The following LILRB1 variants were observed in gnomAD, a reference collection of about 807,000 sequenced individuals.
The protein encoded by LILRB1 is leukocyte immunoglobulin-like receptor subfamily B member 1.
In LILRB1, 59 loss-of-function variants were observed where a neutral mutation model predicts 74.6. The ratio of observed to expected loss-of-function variants is 0.79; its 90% confidence interval spans 0.64 to 0.98. The LOEUF is 0.98. Ranked by LOEUF, LILRB1 falls within the 50% of genes least tolerant of loss-of-function variation. The pLI is 0.00. For missense variants in LILRB1, 804 were observed against 822.6 expected (o/e 0.98, Z 0.28); for synonymous variants, 328 against 333.9 (o/e 0.98, Z 0.19).
At chr19:54,620,894 T>C (rs1790826413) in intron 1 of LILRB1, among the ~76,000 whole-genome samples, 1 of 152,100 alleles carries the variant, frequency 6.6e-6, no homozygotes, top group Non-Finnish European at 1.5e-5. Flanking sequence ...TTTTTTGAGA[T>C]GGAGTTTCAT....
At chr19:54,628,252 T>A (rs1242380488), upstream of LILRB1, among the ~76,000 whole-genome samples, 1 of 152,234 alleles carries the variant, frequency 6.6e-6, no homozygotes. Context: ...TGGACCAGTA[T>A]AAGCATGCCA....
chr19:54,618,435 C>T (rs1335041974), intron 1 of LILRB1, among the ~76,000 whole-genome samples: 2 of 152,190 alleles, frequency 1.3e-5, no homozygotes, highest in African/African-American at 4.8e-5. Flanking sequence ...GAATTGTTAG[C>T]GTTTTTGTTT....
chr19:54,632,432 G>A (rs199965716), intron 5 of LILRB1, 32 bp from the exon 6 acceptor site: 95 of 1,572,144 alleles, frequency 6.0e-5, no homozygotes, highest in Non-Finnish European at 7.7e-5. Context: ...CCTGAGGGTC[G>A]GCTCCTGGAA....
intron 1 of LILRB1, 56 bp downstream of exon 1, chr19:54,630,689 G>A (rs2063759617): frequency 2.5e-6 from 2 of 791,910 alleles, no homozygotes; most frequent in Admixed American, 2.0e-5. Context: ...GGGTGACCAT[G>A]TGGGAGGCTG....
At chr19:54,627,136 C>G (rs1000872533), upstream of LILRB1, among the ~76,000 whole-genome samples, 2 of 152,232 alleles carry the variant, frequency 1.3e-5, no homozygotes, top group African/African-American at 4.8e-5. Context: ...CATGGCTGCT[C>G]TGTGGGTTGG....
intron 6 of LILRB1, 58 bp from the exon 7 acceptor site, chr19:54,632,958 G>T: frequency 6.3e-7 from 1 of 1,579,710 alleles, no homozygotes; most frequent in Non-Finnish European, 8.6e-7. Flanking sequence ...GGAGACCTGG[G>T]GAGGTGTCAG....
At chr19:54,631,861 C>T (rs945963123) in intron 4 of LILRB1, 74 bp downstream of exon 4, 45 of 1,606,162 alleles carry the variant, frequency 2.8e-5, no homozygotes, top group South Asian at 1.1e-4. Context: ...GGGCTTCTCC[C>T]TCTCACAGCC....
chr19:54,636,284 G>A (rs552542286), intron 13 of LILRB1: 167 of 998,996 alleles, frequency 1.7e-4, no homozygotes, highest in African/African-American at 5.6e-4. Flanking sequence ...AGGAAGGCCC[G>A]TGAGGCTGCA....
Position 54,637,218 on chromosome 19 carries a change from G to T in LILRB1, c.*340G>T. 3.7e-6 allele frequency: 1 copy of T among 270,764 alleles called. No homozygotes were observed. Among genetic ancestry groups the T allele is most frequent in the Non-Finnish European group, 7.0e-6 (1 of 142,952 alleles). 16.8% of individuals were successfully genotyped at this position (270,764 alleles called of 1,614,324 possible). On this transcript the variant is annotated 3_prime_UTR_variant, in exon 15 of 15. Coordinates refer to ENST00000324602, the MANE Select transcript of LILRB1 (RefSeq NM_001081637.3). Reference sequence around the variant, plus strand: ...GAAAGAAAAAAAGTAGGAAATGAATGATCTTGGCTTTCCTATAAGAAATTT... The same window carrying T: ...GAAAGAAAAAAAGTAGGAAATGAATTATCTTGGCTTTCCTATAAGAAATTT...
At chr19:54,620,524 T>C (rs1443576107) in intron 1 of LILRB1, among the ~76,000 whole-genome samples, 1 of 152,158 alleles carries the variant, frequency 6.6e-6, no homozygotes, top group Non-Finnish European at 1.5e-5. Flanking sequence ...GCAGGACCCG[T>C]AGCTCACTAT....
intron 1 of LILRB1, among the ~76,000 whole-genome samples, chr19:54,624,656 G>C (rs535916186): frequency 6.6e-6 from 1 of 152,118 alleles, no homozygotes; most frequent in African/African-American, 2.4e-5. Context: ...GGTAGTTCCC[G>C]GATCACAGGC....
intron 1 of LILRB1, among the ~76,000 whole-genome samples, chr19:54,623,501 T>C (rs1455502586): frequency 1.3e-5 from 2 of 152,244 alleles, no homozygotes; most frequent in African/African-American, 4.8e-5. Context: ...GCGTTGGTTG[T>C]AATGTCAACT....
upstream of LILRB1, among the ~76,000 whole-genome samples, chr19:54,627,987 C>T (rs897604542): frequency 5.3e-5 from 8 of 152,158 alleles, no homozygotes; most frequent in African/African-American, 1.2e-4. Flanking sequence ...AGTTTTGCTT[C>T]GAGAGTACAC....
At chr19:54,626,951 C>T (rs1077598), upstream of LILRB1, among the ~76,000 whole-genome samples, 992 of 152,304 alleles carry the variant, frequency 6.5e-3, 8 homozygotes, top group African/African-American at 0.023. Flanking sequence ...AGTGATAAAG[C>T]GCATCTGTGT....
chr19:54,619,210 C>T (rs1334440481), intron 1 of LILRB1, among the ~76,000 whole-genome samples: 3 of 151,902 alleles, frequency 2.0e-5, no homozygotes, highest in Admixed American at 2.0e-4. Context: ...ACAAGAAAGT[C>T]TTATGTAGTG....
Position 54,632,460 on chromosome 19 carries a change from C to G in LILRB1, c.662-4C>G, listed in dbSNP as rs775326849. 6.3e-7 allele frequency: 1 copy of G among 1,596,562 alleles called. No homozygotes were observed. Among genetic ancestry groups the G allele is most frequent in the African/African-American group, 1.3e-5 (1 of 74,466 alleles). ...TCCTGGAAACCATGACCACCTTTTC[C>G]CAGGTGTTTCTAAGAAGCCATCACT... On this transcript the variant is annotated splice_region_variant and splice_polypyrimidine_tract_variant and intron_variant, in intron 5 of 14. Coordinates refer to ENST00000324602, the MANE Select transcript of LILRB1 (RefSeq NM_001081637.3).
chr19:54,634,994 A>G, intron 10 of LILRB1, 110 bp from the exon 11 acceptor site: 1 of 1,426,652 alleles, frequency 7.0e-7, no homozygotes, highest in Admixed American at 2.4e-5. Flanking sequence ...AGGCATTTGG[A>G]ACATGGAGGC....
At chr19:54,618,096 G>C in intron 1 of LILRB1, among the ~76,000 whole-genome samples, 1 of 115,002 alleles carries the variant, frequency 8.7e-6, no homozygotes, top group Admixed American at 1.0e-4. Flanking sequence ...GTGAGCCCCT[G>C]CCTCAAAAAA....
chr19:54,632,399 G>A (rs1197144914), intron 5 of LILRB1, 65 bp from the exon 6 acceptor site: 5 of 1,552,932 alleles, frequency 3.2e-6, no homozygotes, highest in African/African-American at 1.4e-5. Flanking sequence ...GGCCCCGGGG[G>A]AAAGGGAAGA....
Sources: gnomAD v4.1 joint callset for allele counts (sites outside exome capture counted in the v4.1 genomes callset) on GRCh38, gnomAD v4.1.1 for gene constraint, MANE v1.5 for transcripts, NCBI Gene and HGNC (gene_info 2026-07-23, HGNC 2026-07-21) for gene names.